Variants in RNPS1 observed in about 807,000 individuals in gnomAD.
RNPS1 encodes the protein RNA binding protein with serine rich domain 1, also known as RNA-binding protein with serine-rich domain 1.
For missense variants in RNPS1, 300 were observed against 427.6 expected, an observed-to-expected ratio of 0.70 and a Z score of 2.63; for synonymous variants, 147 against 150.0, an observed-to-expected ratio of 0.98 and a Z score of 0.15.
At position 2,253,518 on chromosome 16, in the gene RNPS1, A is replaced by C; in HGVS notation, c.*446T>G. The C allele has an allele frequency of 3.5e-6, 1 of 282,442 alleles. No individual in the cohort carries two copies. The highest frequency in any genetic ancestry group is 6.9e-6 in the Non-Finnish European group (1 of 145,178). The allele number at this position is 282,442 out of a possible 1,614,324, so 17.5% of individuals were successfully genotyped here. On this transcript the variant is annotated 3_prime_UTR_variant, in exon 8 of 8. Coordinates refer to ENST00000320225, the MANE Select transcript of RNPS1 (RefSeq NM_080594.4). ...AGGTCAGAAGAGGCCTCGAGAGGCC[A>C]GGCCTAACAGGGTTGGCAGCTGCAC...
chr16:2,263,924 CTT>C (rs1463320140), intron 3 of RNPS1: 2 of 320,502 alleles, frequency 6.2e-6, no homozygotes, highest in Non-Finnish European at 5.6e-6. Flanking sequence ...GAGACGAGCT[CTT>C]GTTTTGTTGC....
intron 7 of RNPS1, among the ~76,000 whole-genome samples, chr16:2,255,129 G>A (rs2093571911): frequency 6.6e-6 from 1 of 152,182 alleles, no homozygotes; most frequent in African/African-American, 2.4e-5. Context: ...GAGACCCAAG[G>A]CAGAAGCCCA....
At chr16:2,257,280 T>C (rs1391806903) in intron 6 of RNPS1, 1 of 152,132 alleles carries the variant, frequency 6.6e-6, no homozygotes, top group Non-Finnish European at 1.5e-5. Context: ...AAAGGGCTCT[T>C]TTGTTTTCTC....
chr16:2,263,044 A>T (rs1417566653), intron 4 of RNPS1, 52 bp downstream of exon 4: 2 of 1,575,698 alleles, frequency 1.3e-6, no homozygotes, highest in Non-Finnish European at 8.6e-7. Context: ...CTCGATGGTA[A>T]ATCTGTAGCC....
At position 2,253,707 on chromosome 16, in the gene RNPS1, T is replaced by C. The variant is rs1487707817; in HGVS notation, c.*257A>G. ...CACTTTTCCCTGGTGGCTCTGCCAC[T>C]GAACTGACTCTTAGAAACCGGAAAC... is the stretch of plus-strand genomic sequence containing the variant. On this transcript the variant is annotated 3_prime_UTR_variant, in exon 8 of 8. Transcript: ENST00000320225. The C allele has an allele frequency of 1.7e-6, 1 of 592,832 alleles. No homozygotes were observed. The highest frequency in any genetic ancestry group is 1.9e-5 in the African/African-American group (1 of 53,186). 36.7% of individuals were successfully genotyped at this position (592,832 alleles called of 1,614,324 possible).
At chr16:2,255,471 T>C in intron 7 of RNPS1, 114 bp downstream of exon 7, 1 of 1,287,884 alleles carries the variant, frequency 7.8e-7, no homozygotes, top group Non-Finnish European at 1.1e-6. Flanking sequence ...TCCTGCTCTC[T>C]GCCAGCCCGC....
chr16:2,254,961 C>T (rs1479644284), intron 7 of RNPS1, among the ~76,000 whole-genome samples: 1 of 152,074 alleles, frequency 6.6e-6, no homozygotes, highest in African/African-American at 2.4e-5. Context: ...CCAGGGTGGT[C>T]TCGATCTCCT....
chr16:2,259,888 CA>C (rs975308998), intron 6 of RNPS1, among the ~76,000 whole-genome samples: 4 of 151,384 alleles, frequency 2.6e-5, no homozygotes, highest in African/African-American at 9.7e-5. Flanking sequence ...GACTCCGTCT[CA>C]AAAAAAAGAA....
At chr16:2,261,444 C>G (rs1207367322) in intron 6 of RNPS1, among the ~76,000 whole-genome samples, 1 of 152,220 alleles carries the variant, frequency 6.6e-6, no homozygotes, top group Non-Finnish European at 1.5e-5. Flanking sequence ...CCTCTCTCAG[C>G]AGGAAGCAGC....
At chr16:2,266,162 G>A (rs185757794) in intron 1 of RNPS1, 1 of 985,374 alleles carries the variant, frequency 1.0e-6, no homozygotes, top group Non-Finnish European at 1.2e-6. Context: ...TGTGGTCCTG[G>A]TTTCCCTGTG....
At chr16:2,262,174 C>T (rs2093605609) in intron 6 of RNPS1, 104 bp downstream of exon 6, 1 of 1,237,324 alleles carries the variant, frequency 8.1e-7, no homozygotes, top group Non-Finnish European at 1.1e-6. Flanking sequence ...GAAACTCTGT[C>T]TCAAACAAAC....
intron 4 of RNPS1, 118 bp downstream of exon 4, chr16:2,262,977 TC>T: frequency 7.5e-7 from 1 of 1,327,444 alleles, no homozygotes; most frequent in Non-Finnish European, 1.1e-6. Flanking sequence ...CATACATTAT[TC>T]CTGTCTCAGA....
chr16:2,258,157 A>G (rs900776991), intron 6 of RNPS1: 1 of 152,238 alleles, frequency 6.6e-6, no homozygotes, highest in African/African-American at 2.4e-5. Context: ...AAATCCAGTC[A>G]CTCAGCAAAA....
intron 6 of RNPS1, among the ~76,000 whole-genome samples, chr16:2,260,516 T>G (rs2093598787): frequency 6.6e-6 from 1 of 152,182 alleles, no homozygotes; most frequent in Non-Finnish European, 1.5e-5. Context: ...CGGCCTCCTA[T>G]TTTGTGTACA....
chr16:2,259,429 A>G (rs1315119603), intron 6 of RNPS1, among the ~76,000 whole-genome samples: 1 of 152,242 alleles, frequency 6.6e-6, no homozygotes, highest in Non-Finnish European at 1.5e-5. Context: ...TGGCTGCCCT[A>G]AAACCTTTTT....
At chr16:2,255,846 G>A (rs904251664) in intron 6 of RNPS1, 120 bp from the exon 7 acceptor site, 8 of 1,137,430 alleles carry the variant, frequency 7.0e-6, no homozygotes, top group African/African-American at 3.1e-5. Context: ...ACAGAAACAG[G>A]GCCGGGCATG....
chr16:2,254,031 C>T lies in RNPS1; in HGVS notation c.851G>A (p.Arg284His), dbSNP rs745449452. ...GCGGCCCGGGGACCGTGATCTCCGG[C>T]GCACGGGGGACCTGCGCCTCGGGGA... is the stretch of plus-strand genomic sequence containing the variant. ...SRSPRRRSPV[R>H]RRSRSPGRRR... The change falls in exon 8 of 8, where the codon CGC becomes CAC. Residue 284 changes from arginine to histidine, a missense_variant. Coordinates refer to ENST00000320225, the MANE Select transcript of RNPS1 (RefSeq NM_080594.4). The T allele has an allele frequency of 6.6e-6, 10 of 1,508,916 alleles. No homozygotes were observed. Among genetic ancestry groups the T allele is most frequent in the Non-Finnish European group, 7.1e-6 (8 of 1,125,830 alleles). The allele number at this position is 1,508,916 out of a possible 1,614,324, so 93.5% of individuals were successfully genotyped here.
chr16:2,264,122 G>A (rs1162338598), intron 3 of RNPS1, 54 bp downstream of exon 3: 7 of 1,594,470 alleles, frequency 4.4e-6, no homozygotes, highest in Admixed American at 1.7e-5. Context: ...TGTGGGGAGT[G>A]GGGGTGTAGC....
chr16:2,263,389 C>T (rs999423141), intron 3 of RNPS1, 102 bp from the exon 4 acceptor site: 11 of 1,195,604 alleles, frequency 9.2e-6, no homozygotes, highest in South Asian at 4.2e-5. Context: ...ACCTGCTGTT[C>T]GGGTGCCTCC....
Sources: gnomAD v4.1 joint callset for allele counts (sites outside exome capture counted in the v4.1 genomes callset) on GRCh38, gnomAD v4.1.1 for gene constraint, MANE v1.5 for transcripts, NCBI Gene and HGNC (gene_info 2026-07-23, HGNC 2026-07-21) for gene names.